The following SEPTIN4 variants were observed in gnomAD, a reference collection of about 807,000 sequenced individuals.
SEPTIN4 encodes septin 4, also known as septin-4.
A neutral mutation model predicts 107.1 loss-of-function variants in SEPTIN4; 52 were observed. The observed-to-expected ratio is 0.49, with a 90% CI of 0.39 to 0.61. The LOEUF is 0.61. Among genes scored for constraint, SEPTIN4 ranks in the 20% least tolerant of loss-of-function variants. The pLI is 0.00. For synonymous variants in SEPTIN4, 417 were observed against 467.0 expected (o/e 0.89, Z 1.38); for missense variants, 1,048 against 1,243.5 (o/e 0.84, Z 2.36).
At chr17:58,533,589 G>C (rs541880271) in intron 3 of SEPTIN4, among the ~76,000 whole-genome samples, 1 of 151,918 alleles carries the variant, frequency 6.6e-6, no homozygotes, top group Non-Finnish European at 1.5e-5. Flanking sequence ...TGTAGGATGG[G>C]GGCAGCAGCT....
At position 58,543,162 on chromosome 17, in the gene SEPTIN4, T is replaced by C. The variant is rs1217227505; in HGVS notation, c.1025A>G (p.Gln342Arg). ...CACATGGTGAGTTGGCTCTACTGAC[T>C]GTACCCCTGGGGAGATGGTGACCCT... ...GRRVTISPGVQSVEPTHHVTV... is the reference protein window; with the variant it reads ...GRRVTISPGVRSVEPTHHVTV... The change falls in exon 1 of 14, where the codon CAG becomes CGG. Residue 342 changes from glutamine to arginine, a missense_variant. Around this residue, in one of 2 missense-constraint regions of SEPTIN4, gnomAD observed 787 missense variants for 871.8 expected, o/e 0.90. Coordinates refer to ENST00000672673, the MANE Select transcript of SEPTIN4 (RefSeq NM_001368771.2). 2 of 1,613,766 alleles carry C rather than the reference T, an allele frequency of 1.2e-6. No individual in the cohort carries two copies. The highest frequency in any genetic ancestry group is 2.2e-5 in the East Asian group (1 of 44,878).
In SEPTIN4 at chr17:58,526,528, G is replaced by C; in HGVS notation, c.1911+154C>G. 2.9e-6 allele frequency: 4 copies of C among 1,402,512 alleles called. No individual in the cohort carries two copies. The South Asian group carries it at 6.8e-5, about 24-fold the overall frequency. The allele number at this position is 1,402,512 out of a possible 1,614,324, so 86.9% of individuals were successfully genotyped here. On this transcript the variant is annotated intron_variant, in intron 4 of 13. Transcript: ENST00000672673. ...CTTGGGGGCAGATATCTTGGAGCTAGGGCTGACACAGGACTGAAATAGGTC... is the reference window on the plus strand; with the variant it reads ...CTTGGGGGCAGATATCTTGGAGCTACGGCTGACACAGGACTGAAATAGGTC...
At chr17:58,537,688 G>T (rs938605485) in intron 3 of SEPTIN4, among the ~76,000 whole-genome samples, 5 of 152,164 alleles carry the variant, frequency 3.3e-5, no homozygotes, top group African/African-American at 1.2e-4. Context: ...AAACTAGCTG[G>T]GCGTGGTGGC....
At chr17:58,541,990 G>A (rs1056075907) in intron 1 of SEPTIN4, 24 bp from the exon 2 acceptor site, 1 of 1,611,088 alleles carries the variant, frequency 6.2e-7, no homozygotes, top group Non-Finnish European at 8.5e-7. Context: ...AGAGATGGTT[G>A]CTTTTCTTCT....
In SEPTIN4 at chr17:58,543,586, C is replaced by T. The variant is rs1375694669; in HGVS notation, c.601G>A (p.Ala201Thr). ...RRILSYPKDE[A>T]VQTEPIQRIT... is the part of the protein sequence containing the mutation. ...CTTTGGATGGGCTCAGTTTGTACTG[C>T]TTCATCCTTTGGGTAAGACAAAATC... Residue 201 changes from alanine to threonine, a missense_variant, in exon 1 of 14, where the codon GCA becomes ACA. Physicochemically the swap from Ala to Thr is moderately conservative, Grantham distance 58 (BLOSUM62 0). Transcript: ENST00000672673. 7 of 1,614,206 alleles carry T rather than the reference C, an allele frequency of 4.3e-6. No individual in the cohort carries two copies. The South Asian group carries it at 6.6e-5, about 15-fold the overall frequency.
At chr17:58,520,709 A>G in intron 13 of SEPTIN4, 34 bp downstream of exon 13, 1 of 1,611,022 alleles carries the variant, frequency 6.2e-7, no homozygotes, top group Non-Finnish European at 8.5e-7. Context: ...GTGATCAAAC[A>G]GGAGACCTCC....
chr17:58,527,588 C>T (rs2043062358), intron 3 of SEPTIN4: 1 of 199,582 alleles, frequency 5.0e-6, no homozygotes. Flanking sequence ...CTGCCCAGCG[C>T]TCAGTATAGT....
chr17:58,524,659 T>C (rs370241343), intron 7 of SEPTIN4: 1 of 155,504 alleles, frequency 6.4e-6, no homozygotes, highest in South Asian at 1.9e-4. Flanking sequence ...CTCAACCTCC[T>C]GAGCTCAAGT....
intron 1 of SEPTIN4, among the ~76,000 whole-genome samples, chr17:58,542,342 C>T (rs181067146): frequency 6.6e-6 from 1 of 152,202 alleles, no homozygotes; most frequent in African/African-American, 2.4e-5. Context: ...TTCAACCCTG[C>T]AAGCCCCTCT....
chr17:58,525,921 C>T (rs976004076), intron 5 of SEPTIN4, 140 bp from the exon 6 acceptor site: 4 of 871,522 alleles, frequency 4.6e-6, no homozygotes, highest in Non-Finnish European at 7.0e-6. Context: ...CATTTTAGAG[C>T]TGGGAGGAAG....
chr17:58,521,077 G>A lies in SEPTIN4; in HGVS notation c.2752C>T (p.Arg918Trp), dbSNP rs140207841. The A allele has an allele frequency of 1.9e-4, 310 of 1,614,114 alleles. No homozygotes were observed. The highest frequency in any genetic ancestry group is 2.4e-4 in the Non-Finnish European group (285 of 1,180,026). The change falls in exon 12 of 14, where the codon CGG (arginine) becomes TGG (tryptophan). Residue 918 changes from arginine to tryptophan, a missense_variant. Physicochemically the swap from Arg to Trp is moderately radical, Grantham distance 101. Transcript: ENST00000672673. This position sits in a 1 kb window ranked among gnomAD's most constrained non-coding sequence, Gnocchi z 6.4. The part of the protein sequence containing the change: ...THMQDLKDVT[R>W]ETHYENYRAQ... ...CGGTAGTTCTCATAATGTGTCTCCCGTGTCACATCCTTCAGGTCCTGCATG... is the reference window on the plus strand; with the variant it reads ...CGGTAGTTCTCATAATGTGTCTCCCATGTCACATCCTTCAGGTCCTGCATG...
In SEPTIN4 at chr17:58,521,859, G is replaced by A. The variant is rs766714568; in HGVS notation, c.2352-6C>T. ...CAACATCCAATGGCCGGAGCCTGGG[G>A]AACAGGAACCTGTGACCACCTGCTA... On this transcript the variant is annotated splice_region_variant and splice_polypyrimidine_tract_variant and intron_variant, in intron 8 of 13. Transcript: ENST00000672673. The surrounding 1 kb of genome is among the most constrained non-coding windows in gnomAD (Gnocchi z 6.4). 5 of 1,614,114 alleles carry A rather than the reference G, an allele frequency of 3.1e-6. No individual in the cohort carries two copies. In the East Asian group the frequency reaches 8.9e-5, roughly 29 times the overall value.
In SEPTIN4 at chr17:58,543,316, C is replaced by T; in HGVS notation, c.871G>A (p.Val291Ile). ...SDGVHRVSAR[V>I]DPESLHKYSA... ...TACTTATGAAGAGACTCAGGGTCTA[C>T]CCGTGCAGAAACTCGGTGTACACCA... Residue 291 changes from valine (V) to isoleucine (I), a missense_variant, in exon 1 of 14, where the codon GTA becomes ATA. Physicochemically the swap from Val to Ile is conservative, Grantham distance 29 (BLOSUM62 3). Transcript: ENST00000672673. 2 of 1,614,140 alleles carry T rather than the reference C, an allele frequency of 1.2e-6. No homozygotes were observed. The highest frequency in any genetic ancestry group is 1.7e-6 in the Non-Finnish European group (2 of 1,180,016).
intron 3 of SEPTIN4, among the ~76,000 whole-genome samples, chr17:58,537,787 G>T (rs2144244426): frequency 7.4e-6 from 1 of 134,680 alleles, no homozygotes; most frequent in Middle Eastern, 4.3e-3. Flanking sequence ...CCGAGATCGC[G>T]CCATTGCACT....
intron 7 of SEPTIN4, among the ~76,000 whole-genome samples, chr17:58,524,197 AT>A (rs2042580656): frequency 6.6e-6 from 1 of 152,128 alleles, no homozygotes; most frequent in South Asian, 2.1e-4. Context: ...AGGTCTGACC[AT>A]TACCTAAGCT....
At chr17:58,532,219 T>G in intron 3 of SEPTIN4, 1 of 495,782 alleles carries the variant, frequency 2.0e-6, no homozygotes. Context: ...GACCCCCGGA[T>G]GCGCAGAGTA....
intron 6 of SEPTIN4, 74 bp downstream of exon 6, chr17:58,525,621 C>T: frequency 1.5e-6 from 2 of 1,313,434 alleles, no homozygotes; most frequent in East Asian, 2.3e-5. Flanking sequence ...TGGGGGAGAG[C>T]CCCATCCCCC....
Position 58,521,523 on chromosome 17 carries a change from G to A in SEPTIN4, c.2571+22C>T. On this transcript the variant is annotated intron_variant, in intron 10 of 13. Transcript: ENST00000672673. The surrounding 1 kb of genome is among the most constrained non-coding windows in gnomAD (Gnocchi z 6.4). ...ACCCGGAAGAAATAAGATAGGAATG[G>A]GATGCCCTAGAGTGGCCCCACCTTT... is the stretch of plus-strand genomic sequence containing the variant. 6.2e-7 allele frequency: 1 copy of A among 1,608,072 alleles called. No homozygotes were observed. Among genetic ancestry groups the A allele is most frequent in the Non-Finnish European group, 8.5e-7 (1 of 1,174,536 alleles).
chr17:58,543,011 C>G lies in SEPTIN4; in HGVS notation c.1176G>C (p.Arg392Ser). 1 of 1,611,808 alleles carries G rather than the reference C, an allele frequency of 6.2e-7. No individual in the cohort carries two copies. Among genetic ancestry groups the G allele is most frequent in the Non-Finnish European group, 8.5e-7 (1 of 1,179,086 alleles). Residue 392 changes from arginine to serine, a missense_variant, in exon 1 of 14, where the codon AGG (arginine) becomes AGC (serine). Arg to Ser is a moderately radical substitution (Grantham distance 110, BLOSUM62 -1). This residue lies in a region of SEPTIN4 where 787 missense variants were observed against 871.8 expected (regional missense o/e 0.90). Coordinates refer to ENST00000672673, the MANE Select transcript of SEPTIN4 (RefSeq NM_001368771.2). Reference protein sequence around the residue: ...ITYMSQGPTPRYPELSQKPSI... With the variant: ...ITYMSQGPTPSYPELSQKPSI... ...AGGGCTTTTGCGAGAGTTCTGGATACCTGGGTGTAGGTCCTTGGGACATGT... is the reference window on the plus strand; with the variant it reads ...AGGGCTTTTGCGAGAGTTCTGGATAGCTGGGTGTAGGTCCTTGGGACATGT...
Sources: allele counts gnomAD v4.1 joint callset (sites outside exome capture counted in the v4.1 genomes callset), GRCh38; gene constraint gnomAD v4.1.1; regional missense constraint gnomAD v4.1.1; non-coding constraint Gnocchi (gnomAD v3.1); transcripts MANE v1.5; gene names NCBI Gene and HGNC (gene_info 2026-07-23, HGNC 2026-07-21).